Variants in VASH1 observed in about 807,000 individuals in gnomAD.
The protein encoded by VASH1 is vasohibin 1, also known as tubulinyl-Tyr carboxypeptidase 1.
In VASH1, 16 loss-of-function variants were observed where a neutral mutation model predicts 35.0. That is an observed-to-expected ratio of 0.46 (90% CI 0.31 to 0.70). The LOEUF (loss-of-function observed/expected upper bound fraction) is 0.70, where lower values mean the gene tolerates loss of function less well. VASH1 is among the 30% of genes least tolerant of loss of function. The pLI is 0.05. For missense variants in VASH1, 505 were observed against 510.7 expected (o/e 0.99, Z 0.11); for synonymous variants, 214 against 200.9 (o/e 1.07, Z -0.55).
At chr14:76,769,165 C>A (rs1043035636) in intron 1 of VASH1, 1 of 661,540 alleles carries the variant, frequency 1.5e-6, no homozygotes, top group Non-Finnish European at 1.9e-6. Flanking sequence ...CCCCAGCAGC[C>A]TCCAGGCTCC....
At chr14:76,763,542 T>C (rs947450688) in intron 1 of VASH1, among the ~76,000 whole-genome samples, 4 of 152,208 alleles carry the variant, frequency 2.6e-5, no homozygotes, top group Non-Finnish European at 5.9e-5. Flanking sequence ...CATTATGTCA[T>C]TGAATTCTCC....
rs762073773 is a variant in VASH1, at chr14:76,778,998, G to T, written c.1078G>T (p.Gly360Trp). Residue 360 changes from glycine to tryptophan, a missense_variant, in exon 7 of 7, where the codon GGG (glycine) becomes TGG (tryptophan). Transcript: ENST00000167106. Reference sequence around the variant, plus strand: ...GCCCAAAGCCATGCCAGACCTTAACGGGTACCAGATCCGGGTCTGAGGCGG... The same window carrying T: ...GCCCAAAGCCATGCCAGACCTTAACTGGTACCAGATCCGGGTCTGAGGCGG... ...SEPKAMPDLN[G>W]YQIRV 6.2e-7 allele frequency: 1 copy of T among 1,614,104 alleles called. No homozygotes were observed.
At chr14:76,777,798 C>T (rs1390842308) in intron 5 of VASH1, among the ~76,000 whole-genome samples, 161 bp from the exon 6 acceptor site, 1 of 152,204 alleles carries the variant, frequency 6.6e-6, no homozygotes, top group African/African-American at 2.4e-5. Flanking sequence ...GCTTTAGTGC[C>T]TGGGAAATAG....
chr14:76,778,154 T>A, intron 6 of VASH1, 83 bp downstream of exon 6: 1 of 977,412 alleles, frequency 1.0e-6, no homozygotes, highest in Non-Finnish European at 1.4e-6. Flanking sequence ...TTTTTTTTTA[T>A]CTCTCTCCCA....
At chr14:76,771,311 T>C in intron 3 of VASH1, 65 bp downstream of exon 3, 1 of 1,440,432 alleles carries the variant, frequency 6.9e-7, no homozygotes, top group Non-Finnish European at 9.2e-7. Flanking sequence ...AGCCCTATAG[T>C]GCACCTTGGA....
At position 76,761,493 on chromosome 14, in the gene VASH1, C is replaced by G. The variant is rs1029425020; in HGVS notation, c.-1329C>G. On this transcript the variant is annotated 5_prime_UTR_variant, in exon 1 of 7. Transcript: ENST00000167106. ...GCGGGCCGTAGTCGAGCCTGGTGGGCGGCTGGCTGGCAGGGGACGTGGTCG... is the reference window on the plus strand; with the variant it reads ...GCGGGCCGTAGTCGAGCCTGGTGGGGGGCTGGCTGGCAGGGGACGTGGTCG... 6.5e-6 allele frequency: 1 copy of G among 152,774 alleles called. No homozygotes were observed. Among genetic ancestry groups the G allele is most frequent in the African/African-American group, 2.4e-5 (1 of 41,432 alleles). 9.5% of individuals were successfully genotyped at this position (152,774 alleles called of 1,614,324 possible). A position where few individuals can be genotyped will look rare whatever the true frequency, so the allele number is the denominator to read the frequency against.
chr14:76,769,315 C>CTT (rs1893727236), intron 1 of VASH1: 1 of 1,288,802 alleles, frequency 7.8e-7, no homozygotes, highest in East Asian at 5.5e-5. Flanking sequence ...AAAGAGAAGA[C>CTT]TTGGAGGAGG....
intron 6 of VASH1, 82 bp from the exon 7 acceptor site, chr14:76,778,864 A>G: frequency 2.2e-6 from 3 of 1,378,460 alleles, no homozygotes; most frequent in Non-Finnish European, 2.1e-6. Flanking sequence ...GGAAGCCACC[A>G]GGCAGCCGCT....
Position 76,776,287 on chromosome 14 carries a change from C to A in VASH1, c.912+14C>A, listed in dbSNP as rs770045097. On this transcript the variant is annotated intron_variant, in intron 5 of 6. Transcript: ENST00000167106. ...ATGCGGCTCAAGGTCTGCCCGCCTTCCACGCCCTCGCCCCCTCCCTCGCCC... is the reference window on the plus strand; with the variant it reads ...ATGCGGCTCAAGGTCTGCCCGCCTTACACGCCCTCGCCCCCTCCCTCGCCC... 6.4e-7 allele frequency: 1 copy of A among 1,553,078 alleles called. No individual in the cohort carries two copies. Among genetic ancestry groups the A allele is most frequent in the Non-Finnish European group, 8.7e-7 (1 of 1,154,450 alleles).
chr14:76,779,101 CGGGGCTGGTGACAAGGCAG>C lies in VASH1; in HGVS notation c.*86_*104del, dbSNP rs1894029782. ...GAACCAGCCTTATGCATGGGGAAGG[CGGGGCTGGTGACAAGGCAG>C]GGCAAGAGGCTGCAGGAAGAGTGTG... is the stretch of plus-strand genomic sequence containing the variant. On this transcript the variant is annotated 3_prime_UTR_variant, in exon 7 of 7. Coordinates refer to ENST00000167106, the MANE Select transcript of VASH1 (RefSeq NM_014909.5). The C allele has an allele frequency of 6.8e-7, 1 of 1,468,444 alleles. No individual in the cohort carries two copies. The highest frequency in any genetic ancestry group is 9.5e-7 in the Non-Finnish European group (1 of 1,055,528). 91.0% of individuals were successfully genotyped at this position (1,468,444 alleles called of 1,614,324 possible).
At chr14:76,763,800 G>T (rs895736411) in intron 1 of VASH1, among the ~76,000 whole-genome samples, 2 of 152,108 alleles carry the variant, frequency 1.3e-5, no homozygotes, top group African/African-American at 4.8e-5. Context: ...TAATTTTTCT[G>T]TGTTGGCTGT....
chr14:76,766,096 C>G (rs1356692710), intron 1 of VASH1, among the ~76,000 whole-genome samples: 3 of 152,198 alleles, frequency 2.0e-5, no homozygotes, highest in South Asian at 2.1e-4. Flanking sequence ...GCATGTGATG[C>G]TTCATTAAGT....
Position 76,779,043 on chromosome 14 carries a change from C to T in VASH1, c.*25C>T. ...AGGCGGATGCCAGCACCCCAGGCCC[C>T]ACCCACTCTTGGGGGCCAGGATCCA... On this transcript the variant is annotated 3_prime_UTR_variant, in exon 7 of 7. Transcript: ENST00000167106. The T allele has an allele frequency of 6.2e-7, 1 of 1,612,788 alleles. No individual in the cohort carries two copies. The highest frequency in any genetic ancestry group is 8.5e-7 in the Non-Finnish European group (1 of 1,179,402).
intron 5 of VASH1, 80 bp from the exon 6 acceptor site, chr14:76,777,879 G>A: frequency 8.8e-7 from 1 of 1,131,286 alleles, no homozygotes; most frequent in Non-Finnish European, 1.2e-6. Flanking sequence ...CAGCCTCCAG[G>A]GACCTGTGGC....
intron 1 of VASH1, among the ~76,000 whole-genome samples, chr14:76,767,620 A>G (rs183203128): frequency 1.1e-3 from 162 of 152,064 alleles, no homozygotes; most frequent in Middle Eastern, 0.01. Context: ...ATATTTCCCG[A>G]CTCCTGTTTC....
intron 3 of VASH1, among the ~76,000 whole-genome samples, chr14:76,771,679 C>T (rs1893798493): frequency 6.6e-6 from 1 of 152,200 alleles, no homozygotes; most frequent in African/African-American, 2.4e-5. Flanking sequence ...GCATGGTCAC[C>T]CCATTTGCCT....
At chr14:76,776,382 C>T (rs2060497521) in intron 5 of VASH1, 109 bp downstream of exon 5, 1 of 1,379,270 alleles carries the variant, frequency 7.3e-7, no homozygotes, top group Admixed American at 2.7e-5. Flanking sequence ...GACTGGGGTG[C>T]TGGGACCTTG....
chr14:76,778,182 C>T, intron 6 of VASH1, 111 bp downstream of exon 6: 2 of 812,862 alleles, frequency 2.5e-6, no homozygotes, highest in Non-Finnish European at 3.5e-6. Flanking sequence ...CTCTTTTTCG[C>T]TCCCACCCAA....
chr14:76,778,481 AG>A (rs562539077), intron 6 of VASH1, among the ~76,000 whole-genome samples: 133 of 152,128 alleles, frequency 8.7e-4, no homozygotes, highest in Non-Finnish European at 1.7e-3. Context: ...TTGAAATACC[AG>A]CTCTCCTCCT....
Sources: gnomAD v4.1 joint callset for allele counts (sites outside exome capture counted in the v4.1 genomes callset) on GRCh38, gnomAD v4.1.1 for gene constraint, MANE v1.5 for transcripts, NCBI Gene and HGNC (gene_info 2026-07-23, HGNC 2026-07-21) for gene names.